CRYBG3: variants seen among roughly 807,000 people sequenced by gnomAD.
CRYBG3 encodes crystallin beta-gamma domain containing 3.
CRYBG3 carries 127 observed loss-of-function variants against 244.2 expected under a neutral mutation model. The observed-to-expected ratio is 0.52, with a 90% CI of 0.45 to 0.60. The LOEUF (loss-of-function observed/expected upper bound fraction) is 0.60, where lower values mean the gene tolerates loss of function less well. Ranked by LOEUF, CRYBG3 falls within the 20% of genes least tolerant of loss-of-function variation. The pLI is 0.00. For missense variants in CRYBG3, 3,325 were observed against 3,442.5 expected (o/e 0.97, Z 0.85); for synonymous variants, 1,132 against 1,195.8 (o/e 0.95, Z 1.10).
At chr3:97,913,215 A>G (rs966823550) in intron 16 of CRYBG3, among the ~76,000 whole-genome samples, 10 of 152,176 alleles carry the variant, frequency 6.6e-5, no homozygotes, top group African/African-American at 2.2e-4. Context: ...GCCGTTTTCT[A>G]GTACCAGTCC....
intron 8 of CRYBG3, 130 bp from the exon 9 acceptor site, chr3:97,888,211 T>G (rs772392404): frequency 1.8e-5 from 11 of 605,164 alleles, no homozygotes; most frequent in African/African-American, 3.7e-5. Flanking sequence ...GGCTCTCACT[T>G]TGAGTGTGTT....
At chr3:97,908,252 G>A (rs1302618854) in intron 15 of CRYBG3, among the ~76,000 whole-genome samples, 1 of 152,180 alleles carries the variant, frequency 6.6e-6, no homozygotes, top group Non-Finnish European at 1.5e-5. Flanking sequence ...TTCTGTAGAT[G>A]TCTATTAGGT....
intron 1 of CRYBG3, among the ~76,000 whole-genome samples, chr3:97,823,476 CCGT>C (rs2038535919): frequency 1.3e-5 from 2 of 152,188 alleles, no homozygotes; most frequent in African/African-American, 4.8e-5. Flanking sequence ...TTCATTATGA[CCGT>C]CTGTTAATAA....
intron 9 of CRYBG3, among the ~76,000 whole-genome samples, 165 bp downstream of exon 9, chr3:97,888,620 T>C (rs532144815): frequency 2.6e-5 from 4 of 152,370 alleles, no homozygotes; most frequent in African/African-American, 4.8e-5. Flanking sequence ...GTATTTCTTT[T>C]TTGTTACAAA....
At position 97,872,476 on chromosome 3, in the gene CRYBG3, G is replaced by A. The variant is rs1432784628; in HGVS notation, c.1282G>A (p.Glu428Lys). 35 of 1,535,902 alleles carry A rather than the reference G, an allele frequency of 2.3e-5. No homozygotes were observed. The highest frequency in any genetic ancestry group is 3.1e-5 in the Non-Finnish European group (35 of 1,146,846). Reference protein sequence around the residue: ...RTLVQREELVEPQGPAISDFS... With the variant: ...RTLVQREELVKPQGPAISDFS... The stretch of plus-strand genomic sequence containing the variant: ...ATTGGTGCAAAGAGAGGAGCTTGTT[G>A]AGCCTCAGGGCCCTGCTATTTCTGA... Residue 428 changes from glutamate (E) to lysine (K), a missense_variant, in exon 4 of 22, where the codon GAG becomes AAG. This residue lies in a region of CRYBG3 where 1,526 missense variants were observed against 1,443.2 expected (regional missense o/e 1.06). Transcript: ENST00000389622.
intron 2 of CRYBG3, among the ~76,000 whole-genome samples, chr3:97,844,850 T>G (rs1400084516): frequency 2.0e-5 from 3 of 152,188 alleles, no homozygotes; most frequent in African/African-American, 7.2e-5. Context: ...ATAATTTCAT[T>G]TTGGCATCTA....
intron 3 of CRYBG3, among the ~76,000 whole-genome samples, chr3:97,871,396 A>G (rs1284244994): frequency 6.6e-6 from 1 of 152,182 alleles, no homozygotes; most frequent in East Asian, 1.9e-4. Flanking sequence ...TCAAATTCAC[A>G]TGTAAGAGTA....
intron 1 of CRYBG3, among the ~76,000 whole-genome samples, chr3:97,836,769 G>A (rs1423673503): frequency 1.3e-5 from 2 of 152,094 alleles, no homozygotes; most frequent in Non-Finnish European, 2.9e-5. Context: ...GGCCCAGAGC[G>A]AGCCTCAGTA....
intron 18 of CRYBG3, among the ~76,000 whole-genome samples, chr3:97,936,305 T>C: frequency 6.6e-6 from 1 of 152,010 alleles, no homozygotes; most frequent in South Asian, 2.1e-4. Flanking sequence ...GGAGAACTTC[T>C]GTGAACAATT....
intron 2 of CRYBG3, among the ~76,000 whole-genome samples, chr3:97,859,067 T>A (rs896922482): frequency 1.3e-5 from 2 of 152,172 alleles, no homozygotes; most frequent in Non-Finnish European, 2.9e-5. Context: ...TGGGCTGTCA[T>A]CAACATCTGT....
intron 17 of CRYBG3, among the ~76,000 whole-genome samples, chr3:97,922,754 T>C (rs2039996385): frequency 6.6e-6 from 1 of 152,134 alleles, no homozygotes; most frequent in South Asian, 2.1e-4. Context: ...TGTAAACTAG[T>C]TCAGCCATTG....
chr3:97,859,422 C>T (rs1368655863), intron 2 of CRYBG3, among the ~76,000 whole-genome samples: 1 of 152,056 alleles, frequency 6.6e-6, no homozygotes, highest in Non-Finnish European at 1.5e-5. Flanking sequence ...AAGGAGGTGA[C>T]AAAATACTGC....
chr3:97,835,509 G>C lies in CRYBG3; in HGVS notation c.150-7686G>C, dbSNP rs80325098. On this transcript the variant is annotated intron_variant, in intron 1 of 21. Coordinates refer to ENST00000389622, the MANE Select transcript of CRYBG3 (RefSeq NM_153605.4). ...ATCATGTGGCACAGATGCCAGTGTG[G>C]ACAGAGACACAGAATTAGAGGAGGA... Among the ~76,000 whole-genome samples the C allele has an allele frequency of 7.4e-4, 113 of 152,226 alleles. No homozygotes were observed. The East Asian group carries it at 0.019, about 25-fold the overall frequency.
chr3:97,864,192 A>G (rs1054333719), intron 2 of CRYBG3, 25 bp from the exon 3 acceptor site: 10 of 1,447,566 alleles, frequency 6.9e-6, no homozygotes, highest in Non-Finnish European at 8.2e-6. Context: ...AATGATGCTT[A>G]TGATTGTCTA....
At chr3:97,908,793 A>G (rs1475947325) in intron 15 of CRYBG3, among the ~76,000 whole-genome samples, 1 of 152,100 alleles carries the variant, frequency 6.6e-6, no homozygotes, top group Non-Finnish European at 1.5e-5. Flanking sequence ...TGTCATTATG[A>G]TGTTAGCTGG....
chr3:97,915,087 T>C (rs1005490324), intron 16 of CRYBG3, among the ~76,000 whole-genome samples: 2 of 152,220 alleles, frequency 1.3e-5, no homozygotes, highest in African/African-American at 4.8e-5. Context: ...TTTAAAACAA[T>C]CTGTCTTCTA....
intron 15 of CRYBG3, among the ~76,000 whole-genome samples, chr3:97,910,772 C>G (rs1043298108): frequency 2.0e-5 from 3 of 152,136 alleles, no homozygotes; most frequent in African/African-American, 7.2e-5. Context: ...GGCTCCTCCC[C>G]CTTCTTTTAT....
chr3:97,877,478 A>G lies in CRYBG3; in HGVS notation c.6284A>G (p.Gln2095Arg). ...LSPIYEDDSS[Q>R]EDILSSEVSP... ...CCCATTTATGAGGATGACAGCTCAC[A>G]GGAGGACATTCTATCTAGTGAGGTT... The change falls in exon 4 of 22, where the codon CAG becomes CGG. Residue 2095 changes from glutamine (Q) to arginine (R), a missense_variant. Physicochemically the swap from Gln to Arg is conservative, Grantham distance 43. Transcript: ENST00000389622. The G allele has an allele frequency of 1.2e-6, 2 of 1,614,202 alleles. No homozygotes were observed. The highest frequency in any genetic ancestry group is 1.7e-6 in the Non-Finnish European group (2 of 1,180,024).
At chr3:97,905,245 T>C (rs1469063153) in intron 15 of CRYBG3, among the ~76,000 whole-genome samples, 1 of 151,912 alleles carries the variant, frequency 6.6e-6, no homozygotes, top group Non-Finnish European at 1.5e-5. Context: ...TTATAGTCCT[T>C]TGGGTATATA....
Sources: gnomAD v4.1 joint callset for allele counts (sites outside exome capture counted in the v4.1 genomes callset) on GRCh38, gnomAD v4.1.1 for gene constraint, gnomAD v4.1.1 regional missense constraint, MANE v1.5 for transcripts, NCBI Gene and HGNC (gene_info 2026-07-23, HGNC 2026-07-21) for gene names.